MYRF: variants seen among roughly 807,000 people sequenced by gnomAD.
MYRF encodes the protein myelin regulatory factor.
In MYRF, 16 loss-of-function variants were observed where a neutral mutation model predicts 126.3. The observed-to-expected ratio is 0.13, with a 90% confidence interval of 0.09 to 0.19. The LOEUF is 0.19. Ranked by LOEUF, MYRF falls within the 10% of genes least tolerant of loss-of-function variation. MYRF has a pLI of 1.00. For synonymous variants in MYRF, 608 were observed against 635.3 expected, an observed-to-expected ratio of 0.96 and a Z score of 0.65; for missense variants, 1,104 against 1,547.0, an observed-to-expected ratio of 0.71 and a Z score of 4.80.
At chr11:61,772,436 C>T (rs1437201175) in intron 7 of MYRF, among the ~76,000 whole-genome samples, 1 of 152,256 alleles carries the variant, frequency 6.6e-6, no homozygotes, top group Non-Finnish European at 1.5e-5. Flanking sequence ...GGACCACTCC[C>T]CTGGCTCACC....
chr11:61,756,645 C>G (rs2065767084), intron 1 of MYRF, among the ~76,000 whole-genome samples: 1 of 149,558 alleles, frequency 6.7e-6, no homozygotes. Context: ...GAAGTGCTCT[C>G]CGGGTCAATG....
Position 61,752,648 on chromosome 11 carries a change from C to T in MYRF, c.-97C>T. ...ACCGGGCGGGACCGTAGCCGGAGCC[C>T]AGCCGGGACTGTCGCGCGGGCCGCG... On this transcript the variant is annotated 5_prime_UTR_variant, in exon 1 of 27. Transcript: ENST00000278836. 1 of 989,430 alleles carries T rather than the reference C, an allele frequency of 1.0e-6. No individual in the cohort carries two copies. The highest frequency in any genetic ancestry group is 1.3e-6 in the Non-Finnish European group (1 of 778,770). The allele number at this position is 989,430 out of a possible 1,614,324, so 61.3% of individuals were successfully genotyped here. A position where few individuals can be genotyped will look rare whatever the true frequency, so the allele number is the denominator to read the frequency against.
Position 61,783,369 on chromosome 11 carries a change from A to T in MYRF, c.3017-129A>T. ...TGTAGTGTGATGCTGGCCATTGTGG[A>T]GGTCTGGAAAAAAATAACCTGGAAC... is the stretch of plus-strand genomic sequence containing the variant. On this transcript the variant is annotated intron_variant, in intron 22 of 26. Transcript: ENST00000278836. The surrounding 1 kb of genome is among the most constrained non-coding windows in gnomAD (Gnocchi z 4.6). 1.4e-6 allele frequency: 1 copy of T among 718,664 alleles called. No individual in the cohort carries two copies. The allele number at this position is 718,664 out of a possible 1,614,324, so 44.5% of individuals were successfully genotyped here.
intron 1 of MYRF, among the ~76,000 whole-genome samples, chr11:61,753,071 C>G (rs2065650927): frequency 1.3e-5 from 2 of 152,112 alleles, no homozygotes; most frequent in African/African-American, 2.4e-5. Flanking sequence ...CCTTCCAGGA[C>G]CCGGAACTTT....
rs1455363219 is a variant in MYRF, at chr11:61,757,363, T to C, written c.46+4573T>C. The C allele has an allele frequency of 2.0e-5, 9 of 454,574 alleles. No homozygotes were observed. Among genetic ancestry groups the C allele is most frequent in the Non-Finnish European group, 3.5e-5 (8 of 225,492 alleles). The allele number at this position is 454,574 out of a possible 1,614,324, so 28.2% of individuals were successfully genotyped here. The stretch of plus-strand genomic sequence containing the variant: ...GCACCGCTGTGCCTCCGCTTTCTCA[T>C]CTGTAAAACGGGAGTGCAGTTGTAA... On this transcript the variant is annotated intron_variant, in intron 1 of 26. Transcript: ENST00000278836. The surrounding 1 kb of genome is among the most constrained non-coding windows in gnomAD (Gnocchi z 4.7).
At chr11:61,780,390 C>A in intron 18 of MYRF, 100 bp downstream of exon 18, 1 of 1,062,834 alleles carries the variant, frequency 9.4e-7, no homozygotes. Flanking sequence ...TAAAGGAGTT[C>A]ATCCTTAGCC....
chr11:61,776,982 C>G lies in MYRF; in HGVS notation c.1590+105C>G. 9.8e-7 allele frequency: 1 copy of G among 1,024,670 alleles called. No homozygotes were observed. The highest frequency in any genetic ancestry group is 1.6e-5 in the South Asian group (1 of 64,354). 63.5% of individuals were successfully genotyped at this position (1,024,670 alleles called of 1,614,324 possible). A position where few individuals can be genotyped will look rare whatever the true frequency, so the allele number is the denominator to read the frequency against. On this transcript the variant is annotated intron_variant, in intron 11 of 26. Transcript: ENST00000278836. The surrounding 1 kb of genome is among the most constrained non-coding windows in gnomAD (Gnocchi z 4.3). Reference sequence around the variant, plus strand: ...GAGAGTCAGGAGTGGGCATGCTCATCCTGCTAGGCACTGGCTGTGTGGCCT... The same window carrying G: ...GAGAGTCAGGAGTGGGCATGCTCATGCTGCTAGGCACTGGCTGTGTGGCCT...
At chr11:61,755,244 G>A (rs2065714738) in intron 1 of MYRF, 3 of 851,232 alleles carry the variant, frequency 3.5e-6, no homozygotes, top group South Asian at 3.4e-5. Context: ...CCTGCCCTGT[G>A]CCGGTGGTGG....
chr11:61,766,154 C>T lies in MYRF; in HGVS notation c.331C>T (p.Pro111Ser). 1 of 1,611,914 alleles carries T rather than the reference C, an allele frequency of 6.2e-7. No homozygotes were observed. Among genetic ancestry groups the T allele is most frequent in the Non-Finnish European group, 8.5e-7 (1 of 1,179,742 alleles). The change falls in exon 3 of 27, where the codon CCC (proline) becomes TCC (serine). Residue 111 changes from proline to serine, a missense_variant. Transcript: ENST00000278836. Reference sequence around the variant, plus strand: ...CAACAACAACGGCATGGGCGCTGCCCCCAAGCCCTTCCCGGGGGGCACCGG... The same window carrying T: ...CAACAACAACGGCATGGGCGCTGCCTCCAAGCCCTTCCCGGGGGGCACCGG... The part of the protein sequence containing the change: ...CNNNNGMGAA[P>S]KPFPGGTGPP...
Position 61,783,608 on chromosome 11 carries a change from G to T in MYRF, c.3119+8G>T. The T allele has an allele frequency of 6.2e-7, 1 of 1,611,502 alleles. No individual in the cohort carries two copies. Among genetic ancestry groups the T allele is most frequent in the Non-Finnish European group, 8.5e-7 (1 of 1,178,452 alleles). ...TCCAGGGGATGCCTGCAGGTGGGCT[G>T]GGCTCCCTCCCCTCACCCAGGGAGG... On this transcript the variant is annotated splice_region_variant and intron_variant, in intron 23 of 26. Transcript: ENST00000278836. This position sits in a 1 kb window ranked among gnomAD's most constrained non-coding sequence, Gnocchi z 4.6.
chr11:61,769,225 G>C, intron 3 of MYRF, 35 bp from the exon 4 acceptor site: 5 of 1,402,148 alleles, frequency 3.6e-6, no homozygotes, highest in Non-Finnish European at 4.9e-6. Flanking sequence ...AAGCTCAGCT[G>C]CTCACCCCCC....
intron 5 of MYRF, 62 bp downstream of exon 5, chr11:61,770,587 AG>A: frequency 8.1e-7 from 1 of 1,240,792 alleles, no homozygotes; most frequent in Non-Finnish European, 1.1e-6. Flanking sequence ...CAGGGTGGGC[AG>A]GGCGGCGGGC....
chr11:61,783,980 C>G lies in MYRF; in HGVS notation c.3194+55C>G. ...AGGAGGGGAGCCAGGGAGAATCTCCCGCAGAGCCTCAGAACAGCCGAGTCT... is the reference window on the plus strand; with the variant it reads ...AGGAGGGGAGCCAGGGAGAATCTCCGGCAGAGCCTCAGAACAGCCGAGTCT... On this transcript the variant is annotated intron_variant, in intron 24 of 26. Transcript: ENST00000278836. The surrounding 1 kb of genome is among the most constrained non-coding windows in gnomAD (Gnocchi z 4.6). 6.5e-7 allele frequency: 1 copy of G among 1,545,050 alleles called. No individual in the cohort carries two copies. The highest frequency in any genetic ancestry group is 2.4e-5 in the East Asian group (1 of 42,094).
intron 5 of MYRF, among the ~76,000 whole-genome samples, 198 bp from the exon 6 acceptor site, chr11:61,771,302 T>G (rs1591104679): frequency 6.6e-6 from 1 of 151,206 alleles, no homozygotes; most frequent in South Asian, 2.1e-4. Context: ...AAGCGAAGAG[T>G]GACAGAAGCA....
intron 26 of MYRF, 74 bp from the exon 27 acceptor site, chr11:61,785,989 G>T: frequency 6.4e-7 from 1 of 1,556,228 alleles, no homozygotes. Context: ...ACAGTGTCAA[G>T]CAATGTCAGC....
chr11:61,773,980 T>C lies in MYRF; in HGVS notation c.1129T>C (p.Tyr377His). ...ANYKELPMLT[Y>H]RVDADKGFNF... ...CCGCCCCCCCAGGCCCATGCTCACC[T>C]ACCGCGTGGATGCGGACAAGGGCTT... is the stretch of plus-strand genomic sequence containing the variant. The change falls in exon 8 of 27, where the codon TAC (tyrosine) becomes CAC (histidine). Residue 377 changes from tyrosine to histidine, a missense_variant. Coordinates refer to ENST00000278836, the MANE Select transcript of MYRF (RefSeq NM_001127392.3). 7.8e-7 allele frequency: 1 copy of C among 1,277,826 alleles called. No individual in the cohort carries two copies. The allele number at this position is 1,277,826 out of a possible 1,614,324, so 79.2% of individuals were successfully genotyped here.
chr11:61,776,897 A>C lies in MYRF; in HGVS notation c.1590+20A>C. ...GTGCGGGTGAGGGCCACCTCCTCCC[A>C]GGGCGTAGACAGCCCTCCCCAGGAC... On this transcript the variant is annotated intron_variant, in intron 11 of 26. Coordinates refer to ENST00000278836, the MANE Select transcript of MYRF (RefSeq NM_001127392.3). This position sits in a 1 kb window ranked among gnomAD's most constrained non-coding sequence, Gnocchi z 4.3. The C allele has an allele frequency of 6.3e-7, 1 of 1,578,798 alleles. No homozygotes were observed. Among genetic ancestry groups the C allele is most frequent in the Non-Finnish European group, 8.6e-7 (1 of 1,163,220 alleles).
chr11:61,758,264 C>CTG (rs1417446198), intron 1 of MYRF, among the ~76,000 whole-genome samples: 1 of 152,210 alleles, frequency 6.6e-6, no homozygotes, highest in African/African-American at 2.4e-5. Context: ...CACCGGAGTG[C>CTG]ACAACCACAG....
Position 61,777,319 on chromosome 11 carries a change from A to T in MYRF, c.1646A>T (p.Gln549Leu). The T allele has an allele frequency of 6.2e-7, 1 of 1,613,388 alleles. No homozygotes were observed. Among genetic ancestry groups the T allele is most frequent in the Non-Finnish European group, 8.5e-7 (1 of 1,180,038 alleles). Residue 549 changes from glutamine to leucine, a missense_variant, in exon 12 of 27, where the codon CAG becomes CTG. This residue lies in a region of MYRF where 48 missense variants were observed against 148.2 expected (regional missense o/e 0.32). Transcript: ENST00000278836. This position sits in a 1 kb window ranked among gnomAD's most constrained non-coding sequence, Gnocchi z 8.8. ...SDSDVLWQRA[Q>L]VPDTVFHHGR... ...AGCGATGTGTTGTGGCAGCGGGCACAGGTGCCCGACACCGTCTTCCACCAC... is the reference window on the plus strand; with the variant it reads ...AGCGATGTGTTGTGGCAGCGGGCACTGGTGCCCGACACCGTCTTCCACCAC...
Sources: allele counts gnomAD v4.1 joint callset (sites outside exome capture counted in the v4.1 genomes callset), GRCh38; gene constraint gnomAD v4.1.1; regional missense constraint gnomAD v4.1.1; non-coding constraint Gnocchi (gnomAD v3.1); transcripts MANE v1.5; gene names NCBI Gene and HGNC (gene_info 2026-07-23, HGNC 2026-07-21).